Variants in MYO5A observed in about 807,000 individuals in gnomAD.
MYO5A encodes unconventional myosin-Va.
In MYO5A, 98 loss-of-function variants were observed where a neutral mutation model predicts 249.7. The ratio of observed to expected loss-of-function variants is 0.39; its 90% CI spans 0.33 to 0.46. The LOEUF (loss-of-function observed/expected upper bound fraction) is 0.46. Ranked by LOEUF, MYO5A falls within the 20% of genes least tolerant of loss-of-function variation. MYO5A has a pLI of 0.98. For synonymous variants in MYO5A, 778 were observed against 810.6 expected (o/e 0.96, Z 0.68); for missense variants, 1,696 against 2,308.8 (o/e 0.73, Z 5.44).
At chr15:52,398,408 G>A (rs567109557) in intron 9 of MYO5A, among the ~76,000 whole-genome samples, 1 of 152,264 alleles carries the variant, frequency 6.6e-6, no homozygotes, top group South Asian at 2.1e-4. Flanking sequence ...CATTCCTGGG[G>A]CATAGGGAGG....
chr15:52,513,565 T>C (rs991912779), intron 1 of MYO5A, among the ~76,000 whole-genome samples: 4 of 151,422 alleles, frequency 2.6e-5, no homozygotes, highest in African/African-American at 9.7e-5. Flanking sequence ...GCTGGGATTA[T>C]AGGCATGTGC....
chr15:52,322,694 T>C (rs1257286174), intron 37 of MYO5A, among the ~76,000 whole-genome samples: 1 of 152,050 alleles, frequency 6.6e-6, no homozygotes, highest in Non-Finnish European at 1.5e-5. Flanking sequence ...AAACAACTAA[T>C]GAACATATCC....
Position 52,396,465 on chromosome 15 carries a change from T to C in MYO5A, c.1320-68A>G, listed in dbSNP as rs541670708. On this transcript the variant is annotated intron_variant, in intron 10 of 41. Coordinates refer to ENST00000399233, the MANE Select transcript of MYO5A (RefSeq NM_001382347.1). Reference sequence around the variant, plus strand: ...AAAAGCTTTTTAAAAATATTCAAAATATACACATTAGGAAGAAAGAAGTGG... The same window carrying C: ...AAAAGCTTTTTAAAAATATTCAAAACATACACATTAGGAAGAAAGAAGTGG... 5 of 879,642 alleles carry C rather than the reference T, an allele frequency of 5.7e-6. No individual in the cohort carries two copies. The Admixed American group carries it at 8.5e-5, about 15-fold the overall frequency. The allele number at this position is 879,642 out of a possible 1,614,324, so 54.5% of individuals were successfully genotyped here.
At chr15:52,457,549 C>T (rs1325306255) in intron 1 of MYO5A, among the ~76,000 whole-genome samples, 1 of 151,652 alleles carries the variant, frequency 6.6e-6, no homozygotes, top group African/African-American at 2.4e-5. Flanking sequence ...CAAATCAAAA[C>T]TACAATGAGA....
chr15:52,467,087 G>A (rs976733109), intron 1 of MYO5A, among the ~76,000 whole-genome samples: 1 of 152,188 alleles, frequency 6.6e-6, no homozygotes, highest in African/African-American at 2.4e-5. Flanking sequence ...CACATCTTCA[G>A]ATACACAGAA....
intron 1 of MYO5A, among the ~76,000 whole-genome samples, chr15:52,459,308 CG>C (rs1555456424): frequency 1.3e-5 from 2 of 151,858 alleles, no homozygotes; most frequent in Non-Finnish European, 2.9e-5. Flanking sequence ...AGGGCCCTGC[CG>C]CCTTCCACCT....
At chr15:52,470,443 G>T (rs2076437743) in intron 1 of MYO5A, among the ~76,000 whole-genome samples, 1 of 151,996 alleles carries the variant, frequency 6.6e-6, no homozygotes, top group African/African-American at 2.4e-5. Context: ...CCTGAGGTGG[G>T]GAGTTCGAGA....
At chr15:52,333,701 A>G (rs2038990758) in intron 34 of MYO5A, among the ~76,000 whole-genome samples, 1 of 152,136 alleles carries the variant, frequency 6.6e-6, no homozygotes, top group African/African-American at 2.4e-5. Flanking sequence ...ATTTTTTTTA[A>G]AAGTCTGTTG....
At chr15:52,475,510 C>A (rs1287825195) in intron 1 of MYO5A, among the ~76,000 whole-genome samples, 1 of 152,138 alleles carries the variant, frequency 6.6e-6, no homozygotes, top group African/African-American at 2.4e-5. Flanking sequence ...TTCCTGGTTT[C>A]TCTTGTGGGC....
At chr15:52,483,018 T>C (rs766310853) in intron 1 of MYO5A, among the ~76,000 whole-genome samples, 5 of 152,100 alleles carry the variant, frequency 3.3e-5, no homozygotes, top group Non-Finnish European at 2.9e-5. Context: ...CTAAGTCACA[T>C]AGAGGAAAAA....
chr15:52,327,261 C>G (rs1228068692), intron 36 of MYO5A, among the ~76,000 whole-genome samples: 1 of 152,206 alleles, frequency 6.6e-6, no homozygotes, highest in Non-Finnish European at 1.5e-5. Flanking sequence ...AAACCTCAAA[C>G]TATATCTGTC....
rs1310269615 is a variant in MYO5A at position 52,313,093 on chromosome 15, A to T, written c.*603T>A. On this transcript the variant is annotated 3_prime_UTR_variant, in exon 42 of 42. Transcript: ENST00000399233. ...TAAAATGCTCAGTAAACTATAGTAC[A>T]AATGGACATCTATACTATTTAGCAA... The T allele has an allele frequency of 6.5e-6, 1 of 154,452 alleles. No individual in the cohort carries two copies. The highest frequency in any genetic ancestry group is 2.4e-5 in the African/African-American group (1 of 41,470). The allele number at this position is 154,452 out of a possible 1,614,324, so 9.6% of individuals were successfully genotyped here. A position where few individuals can be genotyped will look rare whatever the true frequency, so the allele number is the denominator to read the frequency against.
intron 1 of MYO5A, among the ~76,000 whole-genome samples, chr15:52,433,999 CTTTT>C (rs398043307): frequency 1.6e-5 from 2 of 127,304 alleles, no homozygotes; most frequent in Non-Finnish European, 1.7e-5. Context: ...CTTTCTTTTT[CTTTT>C]TTTTTTTTTT....
In MYO5A at chr15:52,372,357, G is replaced by A. The variant is rs1212921365; in HGVS notation, c.2584C>T (p.Arg862Cys). 6.9e-6 allele frequency: 11 copies of A among 1,601,370 alleles called. No individual in the cohort carries two copies. Among genetic ancestry groups the A allele is most frequent in the Admixed American group, 3.3e-5 (2 of 59,966 alleles). ...TGAATGATGACTGCTTTGTGCTCACGGAGTATCTGCAGAAAAGGATAAGGG... is the reference window on the plus strand; with the variant it reads ...TGAATGATGACTGCTTTGTGCTCACAGAGTATCTGCAGAAAAGGATAAGGG... Reference protein sequence around the residue: ...LARNRYRKILREHKAVIIQKR... With the variant: ...LARNRYRKILCEHKAVIIQKR... The change falls in exon 21 of 42, where the codon CGT becomes TGT. Residue 862 changes from arginine to cysteine, a missense_variant. By Grantham distance (180) the Arg-to-Cys change is radical (BLOSUM62 -3). Transcript: ENST00000399233.
rs375484279 is a variant in MYO5A, at chr15:52,459,842, C to T, written c.28-26557G>A. 2.4e-3 allele frequency among the ~76,000 whole-genome samples: 349 copies of T among 148,054 alleles called. 1 individual carries two copies. The highest frequency in any genetic ancestry group is 8.3e-3 in the African/African-American group (333 of 40,102). On this transcript the variant is annotated intron_variant, in intron 1 of 41. Coordinates refer to ENST00000399233, the MANE Select transcript of MYO5A (RefSeq NM_001382347.1). ...GCGGCCGGGCAGAGGGGCCCCCGAT[C>T]TCCCAGATGGGGTGGCGGCCAGGCA...
chr15:52,311,503 A>G lies in MYO5A; in HGVS notation c.*2193T>C, dbSNP rs1011909213. Reference sequence around the variant, plus strand: ...TGGTTGATACTGCAAATAAATAAATAAATGTATTCAAACTGAATAAAGCAA... The same window carrying G: ...TGGTTGATACTGCAAATAAATAAATGAATGTATTCAAACTGAATAAAGCAA... On this transcript the variant is annotated 3_prime_UTR_variant, in exon 42 of 42. Coordinates refer to ENST00000399233, the MANE Select transcript of MYO5A (RefSeq NM_001382347.1). 4.6e-5 allele frequency: 7 copies of G among 152,240 alleles called. No homozygotes were observed. The highest frequency in any genetic ancestry group is 1.7e-4 in the African/African-American group (7 of 41,458). The allele number at this position is 152,240 out of a possible 1,614,324, so 9.4% of individuals were successfully genotyped here.
intron 22 of MYO5A, among the ~76,000 whole-genome samples, chr15:52,369,179 C>G (rs1274244277): frequency 1.3e-5 from 2 of 152,064 alleles, no homozygotes; most frequent in Non-Finnish European, 2.9e-5. Flanking sequence ...ATTTTACCAG[C>G]CACCCTATCC....
At chr15:52,406,289 C>G (rs1474435) in intron 8 of MYO5A, among the ~76,000 whole-genome samples, 22,845 of 152,018 alleles carry the variant, frequency 0.15, 1,826 homozygotes, top group Middle Eastern at 0.22. Flanking sequence ...TTTTGACACA[C>G]AGTCTCACTC....
chr15:52,344,496 A>G (rs2039523851), intron 30 of MYO5A, among the ~76,000 whole-genome samples: 1 of 152,118 alleles, frequency 6.6e-6, no homozygotes, highest in African/African-American at 2.4e-5. Context: ...CAATAAACCA[A>G]ACAGCTTTCT....
Sources: gnomAD v4.1 joint callset for allele counts (sites outside exome capture counted in the v4.1 genomes callset) on GRCh38, gnomAD v4.1.1 for gene constraint, MANE v1.5 for transcripts, NCBI Gene and HGNC (gene_info 2026-07-23, HGNC 2026-07-21) for gene names.